The following CA10 variants were observed in gnomAD, a reference collection of about 807,000 sequenced individuals.
CA10 encodes the protein carbonic anhydrase-related protein 10.
Under a neutral mutation model 44.2 loss-of-function variants are expected in CA10, and 14 were observed. The observed-to-expected ratio is 0.32, with a 90% CI of 0.21 to 0.50. CA10 has a LOEUF of 0.50. Among genes scored for constraint, CA10 ranks in the 20% least tolerant of loss-of-function variants. The pLI, the probability that CA10 is intolerant of heterozygous loss-of-function variation, is 0.99. For synonymous variants in CA10, 159 were observed against 141.6 expected (o/e 1.12, Z -0.87); for missense variants, 350 against 409.7 (o/e 0.85, Z 1.26).
intron 4 of CA10, among the ~76,000 whole-genome samples, chr17:51,690,657 C>T (rs1915164615): frequency 6.6e-6 from 1 of 152,216 alleles, no homozygotes; most frequent in Non-Finnish European, 1.5e-5. Context: ...TTGCCTGCTG[C>T]CATGTAAGAC....
At chr17:52,002,879 C>T (rs540714150) in intron 2 of CA10, among the ~76,000 whole-genome samples, 3 of 151,872 alleles carry the variant, frequency 2.0e-5, no homozygotes, top group Non-Finnish European at 2.9e-5. Context: ...GAAGTTTAGT[C>T]GAGATCCCAC....
intron 3 of CA10, among the ~76,000 whole-genome samples, chr17:51,784,857 ACTAGGT>A (rs1175757675): frequency 6.6e-6 from 1 of 152,174 alleles, no homozygotes; most frequent in African/African-American, 2.4e-5. Context: ...GCTATCAAAT[ACTAGGT>A]CTTATTCTTT....
At chr17:51,889,460 G>A (rs1052464220) in intron 3 of CA10, among the ~76,000 whole-genome samples, 4 of 152,302 alleles carry the variant, frequency 2.6e-5, no homozygotes, top group Non-Finnish European at 5.9e-5. Context: ...GGAGGTCGAG[G>A]CTGCAGTGAA....
chr17:52,143,515 A>G (rs1037796801), intron 1 of CA10, among the ~76,000 whole-genome samples: 1 of 152,110 alleles, frequency 6.6e-6, no homozygotes, highest in African/African-American at 2.4e-5. Context: ...TGTTCTTTTT[A>G]AAAAAAGAGA....
intron 6 of CA10, among the ~76,000 whole-genome samples, chr17:51,641,777 C>T (rs1261108465): frequency 7.8e-6 from 1 of 128,764 alleles, no homozygotes; most frequent in Non-Finnish European, 1.8e-5. Flanking sequence ...AACTTTCCCT[C>T]AGTCTGAACT....
At chr17:51,734,010 A>G (rs1748344863) in intron 4 of CA10, among the ~76,000 whole-genome samples, 1 of 147,046 alleles carries the variant, frequency 6.8e-6, no homozygotes, top group South Asian at 2.2e-4. Flanking sequence ...AGCTACTAGT[A>G]TGGTAGTGGC....
At chr17:51,915,561 A>T (rs1488655840) in intron 3 of CA10, among the ~76,000 whole-genome samples, 1 of 152,164 alleles carries the variant, frequency 6.6e-6, no homozygotes, top group Non-Finnish European at 1.5e-5. Context: ...TATTAATAAA[A>T]TTACTTATTT....
rs555996128 is a variant in CA10, at chr17:51,786,681, T to C, written c.280-38863A>G. 8.2e-4 allele frequency among the ~76,000 whole-genome samples: 125 copies of C among 152,332 alleles called. 2 individuals carry two copies. The South Asian group carries it at 0.024, about 30-fold the overall frequency. On this transcript the variant is annotated intron_variant, in intron 3 of 8. Coordinates refer to ENST00000451037, the MANE Select transcript of CA10 (RefSeq NM_020178.5). ...TCTTGCTAGGAATTCCAGTAATATG[T>C]TGAGTAAAAACATTGAGTACTAACA...
chr17:51,737,704 G>C (rs989837376), intron 4 of CA10, among the ~76,000 whole-genome samples: 4 of 152,088 alleles, frequency 2.6e-5, no homozygotes, highest in African/African-American at 9.7e-5. Context: ...CTGTCTGGTG[G>C]CCCAAGTGTC....
intron 1 of CA10, among the ~76,000 whole-genome samples, chr17:52,129,531 A>G (rs1051112120): frequency 1.3e-5 from 2 of 152,234 alleles, no homozygotes; most frequent in African/African-American, 4.8e-5. Flanking sequence ...GTGGTGAATC[A>G]GGTATTTGAA....
At chr17:51,660,188 G>A (rs1230792365) in intron 4 of CA10, among the ~76,000 whole-genome samples, 1 of 152,212 alleles carries the variant, frequency 6.6e-6, no homozygotes, top group African/African-American at 2.4e-5. Flanking sequence ...GTGATATGAG[G>A]AGAAATTGTA....
intron 3 of CA10, among the ~76,000 whole-genome samples, chr17:51,797,847 T>C (rs1598050078): frequency 3.4e-5 from 2 of 58,500 alleles, no homozygotes; most frequent in South Asian, 8.3e-4. Context: ...CAAGGCTCCA[T>C]CTCAAAAAAA....
At chr17:52,105,633 C>T (rs1474294761) in intron 1 of CA10, among the ~76,000 whole-genome samples, 2 of 152,186 alleles carry the variant, frequency 1.3e-5, no homozygotes, top group Non-Finnish European at 2.9e-5. Context: ...ATAACAGTAC[C>T]TTCCACAGAA....
At chr17:51,786,223 T>G (rs1906274700) in intron 3 of CA10, among the ~76,000 whole-genome samples, 1 of 151,526 alleles carries the variant, frequency 6.6e-6, no homozygotes, top group African/African-American at 2.4e-5. Context: ...TCTGTGTGTG[T>G]GTGTGTGTGT....
In CA10 at chr17:51,862,425, C is replaced by CT. The variant is rs377626191; in HGVS notation, c.279+68564dup. On this transcript the variant is annotated intron_variant, in intron 3 of 8. Coordinates refer to ENST00000451037, the MANE Select transcript of CA10 (RefSeq NM_020178.5). ...GACAGAACCAGCCTTTAACTGGAGT[C>CT]TTTTTTTTTTTTGGCTTCAACCTTA... 2.0e-3 allele frequency among the ~76,000 whole-genome samples: 295 copies of CT among 145,058 alleles called. 6 individuals carry two copies. The South Asian group carries it at 0.025, about 12-fold the overall frequency.
intron 1 of CA10, among the ~76,000 whole-genome samples, chr17:52,118,604 T>C (rs550252665): frequency 6.6e-6 from 1 of 152,152 alleles, no homozygotes; most frequent in Non-Finnish European, 1.5e-5. Flanking sequence ...TTGAGGTACA[T>C]GGGATTGCCA....
At chr17:51,757,716 C>G (rs1308458135) in intron 3 of CA10, among the ~76,000 whole-genome samples, 1 of 152,234 alleles carries the variant, frequency 6.6e-6, no homozygotes, top group Non-Finnish European at 1.5e-5. Flanking sequence ...ATTTACATGA[C>G]ATGTATCTAG....
At position 52,153,678 on chromosome 17, in the gene CA10, T is replaced by C. The variant is rs182786129; in HGVS notation, c.61+4048A>G. 2.7e-3 allele frequency among the ~76,000 whole-genome samples: 412 copies of C among 152,300 alleles called. 4 individuals carry two copies. Among genetic ancestry groups the C allele is most frequent in the African/African-American group, 9.5e-3 (396 of 41,558 alleles). On this transcript the variant is annotated intron_variant, in intron 1 of 8. Coordinates refer to ENST00000451037, the MANE Select transcript of CA10 (RefSeq NM_020178.5). ...GGGTTTGTGCTCAATGTTATAGATG[T>C]GCTTGCTGATGATGGTTTTCTTTTT... is the stretch of plus-strand genomic sequence containing the variant.
At chr17:51,735,899 T>C (rs9901949) in intron 4 of CA10, among the ~76,000 whole-genome samples, 1,958 of 124,556 alleles carry the variant, frequency 0.016, 48 homozygotes, top group African/African-American at 0.05. Flanking sequence ...ACTCTAGTGA[T>C]TGCAAATCAG....
Sources: gnomAD v4.1 joint callset for allele counts (sites outside exome capture counted in the v4.1 genomes callset) on GRCh38, gnomAD v4.1.1 for gene constraint, MANE v1.5 for transcripts, NCBI Gene and HGNC (gene_info 2026-07-23, HGNC 2026-07-21) for gene names.